Variants in ATP10B observed in about 807,000 individuals in gnomAD.
ATP10B encodes the protein phospholipid-transporting ATPase VB.
In ATP10B, 122 loss-of-function variants were observed where a neutral mutation model predicts 141.2. The observed-to-expected ratio is 0.86, with a 90% confidence interval of 0.75 to 1.00. The LOEUF (loss-of-function observed/expected upper bound fraction) is 1.00. ATP10B is among the 50% of genes least tolerant of loss of function. ATP10B has a pLI of 0.00. For missense variants in ATP10B, 1,876 were observed against 1,825.3 expected (o/e 1.03, Z -0.51); for synonymous variants, 685 against 692.0 (o/e 0.99, Z 0.16).
chr5:160,853,915 C>A (rs1464904631), upstream of ATP10B, among the ~76,000 whole-genome samples: 2 of 152,160 alleles, frequency 1.3e-5, no homozygotes, highest in Admixed American at 6.6e-5. Flanking sequence ...CTATTTCCAG[C>A]AGGCAATCTT....
chr5:160,866,201 T>C, the ATP10B span, among the ~76,000 whole-genome samples: 1 of 152,168 alleles, frequency 6.6e-6, no homozygotes, highest in African/African-American at 2.4e-5. Flanking sequence ...AAATGTGGTA[T>C]ATATACATCA....
intron 2 of ATP10B, among the ~76,000 whole-genome samples, chr5:160,752,337 A>C (rs1453855337): frequency 6.6e-6 from 1 of 152,120 alleles, no homozygotes; most frequent in Non-Finnish European, 1.5e-5. Flanking sequence ...GACCTGTGAA[A>C]GGTTACAGAA....
chr5:160,882,544 A>G, the ATP10B span, among the ~76,000 whole-genome samples: 1 of 152,084 alleles, frequency 6.6e-6, no homozygotes, highest in Non-Finnish European at 1.5e-5. Context: ...AGCCTCCCAA[A>G]TTGCTGAGAT....
chr5:160,686,595 C>T (rs1420300807), intron 5 of ATP10B, among the ~76,000 whole-genome samples: 3 of 152,152 alleles, frequency 2.0e-5, no homozygotes, highest in Non-Finnish European at 4.4e-5. Flanking sequence ...CACCCTTTCC[C>T]CCTAAGTCCC....
At chr5:160,783,500 TCATA>T (rs1770898536) in intron 2 of ATP10B, among the ~76,000 whole-genome samples, 1 of 142,404 alleles carries the variant, frequency 7.0e-6, no homozygotes, top group African/African-American at 2.6e-5. Flanking sequence ...TCGATATATA[TCATA>T]TATATACTAT....
chr5:160,564,336 T>G lies in ATP10B; in HGVS notation c.*1117A>C, dbSNP rs931992081. 1 of 152,198 alleles carries G rather than the reference T, an allele frequency of 6.6e-6. No individual in the cohort carries two copies. The highest frequency in any genetic ancestry group is 2.4e-5 in the African/African-American group (1 of 41,452). 9.4% of individuals were successfully genotyped at this position (152,198 alleles called of 1,614,324 possible). A position where few individuals can be genotyped will look rare whatever the true frequency, so the allele number is the denominator to read the frequency against. On this transcript the variant is annotated 3_prime_UTR_variant, in exon 26 of 26. Transcript: ENST00000327245. Reference sequence around the variant, plus strand: ...CTGTTTTGAGCTTTTTTTATATAGTTGACATTTATAAACTCTAGGGATAGG... The same window carrying G: ...CTGTTTTGAGCTTTTTTTATATAGTGGACATTTATAAACTCTAGGGATAGG...
In ATP10B at chr5:160,686,173, G is replaced by A; in HGVS notation, c.376C>T (p.Leu126=). 1.2e-6 allele frequency: 2 copies of A among 1,613,346 alleles called. No homozygotes were observed. The highest frequency in any genetic ancestry group is 8.5e-7 in the Non-Finnish European group (1 of 1,179,480). Residue 126 remains leucine, a synonymous_variant, in exon 6 of 26, where the codon CTG becomes TTG. Transcript: ENST00000327245. ...EITMLPLAIV[L]FVIMIKDGME... ...CCATCCTTGATCATGATGACGAACA[G>A]GACAATGGCCAATGGTAACATGGTG...
In ATP10B at chr5:160,823,392, G is replaced by A. The variant is rs534532116; in HGVS notation, c.-576+28549C>T. Reference sequence around the variant, plus strand: ...CACACACTGGGGCCTGTCAGGGAGTGGGGTGGGGTGAGGGCAAACATTAGA... The same window carrying A: ...CACACACTGGGGCCTGTCAGGGAGTAGGGTGGGGTGAGGGCAAACATTAGA... On this transcript the variant is annotated intron_variant, in intron 1 of 25. Coordinates refer to ENST00000327245, the MANE Select transcript of ATP10B (RefSeq NM_025153.3). 6.6e-5 allele frequency among the ~76,000 whole-genome samples: 10 copies of A among 152,060 alleles called. No individual in the cohort carries two copies. In the East Asian group the frequency reaches 1.9e-3, roughly 30 times the overall value.
intron 1 of ATP10B, among the ~76,000 whole-genome samples, chr5:160,803,927 A>ATT (rs11446179): frequency 5.3e-5 from 8 of 150,378 alleles, no homozygotes; most frequent in South Asian, 2.1e-4. Flanking sequence ...GTCAACACAG[A>ATT]TTTTTTTTTT....
At chr5:160,744,421 G>A (rs1469761168) in intron 2 of ATP10B, among the ~76,000 whole-genome samples, 1 of 152,158 alleles carries the variant, frequency 6.6e-6, no homozygotes, top group Admixed American at 6.5e-5. Flanking sequence ...GGGGACTGTG[G>A]CTCTCTGACT....
intron 12 of ATP10B, chr5:160,634,139 T>A (rs755769933): frequency 1.3e-6 from 1 of 745,050 alleles, no homozygotes; most frequent in Admixed American, 2.0e-5. Context: ...ACATATGGGA[T>A]AACTTCTAAC....
intron 1 of ATP10B, among the ~76,000 whole-genome samples, chr5:160,843,994 C>G (rs1021542869): frequency 6.6e-6 from 1 of 151,916 alleles, no homozygotes; most frequent in Non-Finnish European, 1.5e-5. Flanking sequence ...TTGAATTAAG[C>G]TTTACAAAGT....
intron 1 of ATP10B, among the ~76,000 whole-genome samples, chr5:160,786,434 TA>T (rs562984604): frequency 3.3e-5 from 5 of 152,104 alleles, no homozygotes; most frequent in African/African-American, 1.2e-4. Flanking sequence ...TTTTTCTTTT[TA>T]AAAAAATCCT....
rs376276340 is a variant in ATP10B, at chr5:160,632,170, G to A, written c.1579C>T (p.Arg527Cys). 38 of 1,614,094 alleles carry A rather than the reference G, an allele frequency of 2.4e-5. No individual in the cohort carries two copies. The highest frequency in any genetic ancestry group is 5.0e-5 in the Admixed American group (3 of 60,022). The change falls in exon 13 of 26, where the codon CGT becomes TGT. Residue 527 changes from arginine (R) to cysteine (C), a missense_variant. Physicochemically the swap from Arg to Cys is radical, Grantham distance 180. Coordinates refer to ENST00000327245, the MANE Select transcript of ATP10B (RefSeq NM_025153.3). ...GHYRQRSMGH[R>C]ESSQPPVAFS... is the part of the protein sequence containing the mutation. ...GCCACAGGAGGCTGTGAGCTTTCAC[G>A]GTGCCCCATAGACCTTTGCCGGTAG...
chr5:160,682,894 C>T (rs1263054187), intron 6 of ATP10B, among the ~76,000 whole-genome samples: 1 of 151,436 alleles, frequency 6.6e-6, no homozygotes, highest in Non-Finnish European at 1.5e-5. Context: ...AAAAAATTAG[C>T]CAGGCGTGAT....
At chr5:160,815,657 A>G (rs1302759746) in intron 1 of ATP10B, among the ~76,000 whole-genome samples, 1 of 152,244 alleles carries the variant, frequency 6.6e-6, no homozygotes, top group East Asian at 1.9e-4. Flanking sequence ...CTCTGCACCA[A>G]GTGGACCTAA....
intron 1 of ATP10B, among the ~76,000 whole-genome samples, chr5:160,803,631 A>G (rs1323165307): frequency 2.0e-5 from 3 of 152,296 alleles, no homozygotes; most frequent in Non-Finnish European, 2.9e-5. Flanking sequence ...AGCCAAGATC[A>G]TACCACTGTA....
At chr5:160,781,186 A>T (rs1264261785) in intron 2 of ATP10B, among the ~76,000 whole-genome samples, 1 of 152,220 alleles carries the variant, frequency 6.6e-6, no homozygotes, top group Non-Finnish European at 1.5e-5. Context: ...CATGCATATG[A>T]AATACATGGG....
chr5:160,628,301 G>A (rs936565091), intron 13 of ATP10B, among the ~76,000 whole-genome samples: 1 of 152,194 alleles, frequency 6.6e-6, no homozygotes, highest in Non-Finnish European at 1.5e-5. Context: ...CCCCCACCCC[G>A]ATTTGAGACA....
Sources: allele counts gnomAD v4.1 joint callset (sites outside exome capture counted in the v4.1 genomes callset), GRCh38; gene constraint gnomAD v4.1.1; transcripts MANE v1.5; gene names NCBI Gene and HGNC (gene_info 2026-07-23, HGNC 2026-07-21).